The following BTBD1 variants were observed in gnomAD, a reference collection of about 807,000 sequenced individuals.
The protein encoded by BTBD1 is BTB/POZ domain-containing protein 1.
In BTBD1, 34 loss-of-function variants were observed where a neutral mutation model predicts 48.0. That is an observed-to-expected ratio of 0.71 (90% CI 0.54 to 0.94). The LOEUF is 0.94. Among genes scored for constraint, BTBD1 ranks in the 40% least tolerant of loss-of-function variants. The probability of loss-of-function intolerance (pLI) is 0.00; values close to 1 mark genes in which losing one functional copy is unlikely to be tolerated. For synonymous variants in BTBD1, 261 were observed against 242.1 expected (o/e 1.08, Z -0.72); for missense variants, 543 against 625.6 (o/e 0.87, Z 1.41).
In BTBD1 at chr15:83,030,269, T is replaced by C; in HGVS notation, c.922A>G (p.Thr308Ala). The change falls in exon 5 of 8, where the codon ACT becomes GCT. Residue 308 changes from threonine to alanine, a missense_variant. Physicochemically the swap from Thr to Ala is moderately conservative, Grantham distance 58. Around this residue, in one of 3 missense-constraint regions of BTBD1, gnomAD observed 300 missense variants for 350.0 expected, o/e 0.86. Transcript: ENST00000261721. ...REVVNLFLHF[T>A]VNPKPRVEYI... Reference sequence around the variant, plus strand: ...TCAACTCGGGGTTTAGGGTTGACAGTAAAATGAAGAAAGAGGTTTACCACT... The same window carrying C: ...TCAACTCGGGGTTTAGGGTTGACAGCAAAATGAAGAAAGAGGTTTACCACT... 6.2e-7 allele frequency: 1 copy of C among 1,614,010 alleles called. No homozygotes were observed.
chr15:83,025,716 CTA>C (rs2032391604), intron 5 of BTBD1, among the ~76,000 whole-genome samples: 2 of 152,086 alleles, frequency 1.3e-5, no homozygotes, highest in African/African-American at 4.8e-5. Flanking sequence ...TCAATTATAA[CTA>C]AATTCTTTTA....
chr15:83,021,246 GC>G (rs770226330), intron 5 of BTBD1, among the ~76,000 whole-genome samples: 9 of 152,300 alleles, frequency 5.9e-5, no homozygotes, highest in Non-Finnish European at 1.3e-4. Flanking sequence ...CACTGATAAT[GC>G]AAGAAAGGAA....
intron 3 of BTBD1, chr15:83,044,256 A>T: frequency 1.6e-6 from 1 of 636,142 alleles, no homozygotes; most frequent in South Asian, 1.9e-5. Context: ...TAGGCAGGTA[A>T]AATAAAACAT....
At chr15:83,066,670 G>T in intron 1 of BTBD1, 81 bp downstream of exon 1, 1 of 1,265,236 alleles carries the variant, frequency 7.9e-7, no homozygotes, top group South Asian at 2.8e-5. Context: ...CCGGGAGTCC[G>T]GGTAGGCCGG....
chr15:83,052,206 C>T (rs1414284033), intron 2 of BTBD1, among the ~76,000 whole-genome samples: 4 of 152,042 alleles, frequency 2.6e-5, no homozygotes, highest in African/African-American at 9.7e-5. Context: ...ATCCACCTGC[C>T]CAAAGTGTTG....
chr15:83,023,138 A>G (rs1348464289), intron 5 of BTBD1, among the ~76,000 whole-genome samples: 2 of 152,140 alleles, frequency 1.3e-5, no homozygotes, highest in Non-Finnish European at 2.9e-5. Flanking sequence ...TTAAAAAATC[A>G]TATCAGAATA....
chr15:83,054,781 C>T (rs142210714), intron 2 of BTBD1, among the ~76,000 whole-genome samples: 4,693 of 152,030 alleles, frequency 0.031, 228 homozygotes, highest in African/African-American at 0.11. Context: ...AGGATGGTCT[C>T]GATCTCTTGG....
chr15:83,032,835 G>T (rs150648990), intron 4 of BTBD1, among the ~76,000 whole-genome samples: 1 of 151,886 alleles, frequency 6.6e-6, no homozygotes, highest in South Asian at 2.1e-4. Flanking sequence ...AGCCAAGGGC[G>T]GTGGTGGGTG....
At chr15:83,050,000 T>A in intron 3 of BTBD1, 73 bp downstream of exon 3, 1 of 855,558 alleles carries the variant, frequency 1.2e-6, no homozygotes, top group Non-Finnish European at 1.8e-6. Context: ...AAATAGCCCC[T>A]TCTCCAACAA....
chr15:83,057,300 G>C (rs1339116168), intron 1 of BTBD1, among the ~76,000 whole-genome samples: 1 of 152,158 alleles, frequency 6.6e-6, no homozygotes, highest in Non-Finnish European at 1.5e-5. Flanking sequence ...GTTTGAGCTT[G>C]TTTTGTCACT....
chr15:83,042,044 T>C, intron 3 of BTBD1, 119 bp from the exon 4 acceptor site: 1 of 740,824 alleles, frequency 1.3e-6, no homozygotes, highest in Non-Finnish European at 2.2e-6. Flanking sequence ...GTTAGACACT[T>C]AAAACTACAG....
intron 5 of BTBD1, among the ~76,000 whole-genome samples, chr15:83,026,791 G>T (rs968767767): frequency 2.0e-5 from 3 of 152,012 alleles, no homozygotes; most frequent in East Asian, 1.9e-4. Flanking sequence ...CAAAGTGTGG[G>T]GATTACAGGC....
intron 3 of BTBD1, 99 bp downstream of exon 3, chr15:83,049,974 A>T (rs1207635903): frequency 3.1e-6 from 2 of 635,912 alleles, no homozygotes; most frequent in Non-Finnish European, 5.3e-6. Flanking sequence ...ATCATTTGGG[A>T]AAGCCACTGA....
rs2033083357 is a variant in BTBD1, at chr15:83,056,443, TAC to T, written c.502_503del (p.Val168ArgfsTer8). The T allele has an allele frequency of 3.1e-6, 5 of 1,613,714 alleles. No homozygotes were observed. The highest frequency in any genetic ancestry group is 2.2e-5 in the East Asian group (1 of 44,868). On this transcript the variant is annotated frameshift_variant, in exon 2 of 8. Transcript: ENST00000261721. LOFTEE classifies it high-confidence loss of function. ...YAVPALEAHC[V>X]EFLTKHLRAD... ...CCCTAAGATGTTTGGTGAGAAATTC[TAC>T]ACAGTGTGCTTCCAAGGCTGGGACT...
intron 1 of BTBD1, among the ~76,000 whole-genome samples, chr15:83,066,461 G>A (rs1430225546): frequency 6.6e-6 from 1 of 152,182 alleles, no homozygotes; most frequent in East Asian, 1.9e-4. Context: ...TAATTCTGAA[G>A]TCTGAGCGAC....
At chr15:83,050,656 G>A (rs1417875860) in intron 2 of BTBD1, among the ~76,000 whole-genome samples, 1 of 152,098 alleles carries the variant, frequency 6.6e-6, no homozygotes, top group African/African-American at 2.4e-5. Flanking sequence ...AATATCAATT[G>A]TCAAGCACAA....
intron 3 of BTBD1, among the ~76,000 whole-genome samples, chr15:83,042,713 A>T (rs2032792134): frequency 6.6e-6 from 1 of 152,212 alleles, no homozygotes; most frequent in African/African-American, 2.4e-5. Flanking sequence ...ACAAAAAGTT[A>T]AAAATTCCTG....
intron 2 of BTBD1, among the ~76,000 whole-genome samples, chr15:83,055,697 C>G (rs754130736): frequency 2.6e-5 from 4 of 152,178 alleles, no homozygotes; most frequent in East Asian, 3.8e-4. Context: ...GTCCAAAGAT[C>G]GTTAATTTTA....
chr15:83,033,197 C>G (rs984120073), intron 4 of BTBD1, among the ~76,000 whole-genome samples: 2 of 151,914 alleles, frequency 1.3e-5, no homozygotes, highest in East Asian at 1.9e-4. Flanking sequence ...CAGGGAAACA[C>G]AGCAGGGCCC....
Sources: gnomAD v4.1 joint callset for allele counts (sites outside exome capture counted in the v4.1 genomes callset) on GRCh38, gnomAD v4.1.1 for gene constraint, gnomAD v4.1.1 regional missense constraint, MANE v1.5 for transcripts, NCBI Gene and HGNC (gene_info 2026-07-23, HGNC 2026-07-21) for gene names.